The following NLRP14 variants were observed in gnomAD, a reference collection of about 807,000 sequenced individuals.
NLRP14 encodes NLR family pyrin domain containing 14, also known as NACHT, LRR and PYD domains-containing protein 14.
In NLRP14, 105 loss-of-function variants were observed where a neutral mutation model predicts 94.7. That is an observed-to-expected ratio of 1.11 (90% CI 0.95 to 1.30). The LOEUF is 1.30. Among genes scored for constraint, NLRP14 ranks in the 50% most tolerant of loss-of-function variants. The probability of loss-of-function intolerance (pLI) is 0.00; values close to 1 mark genes in which losing one functional copy is unlikely to be tolerated. For synonymous variants in NLRP14, 508 were observed against 459.9 expected (o/e 1.10, Z -1.34); for missense variants, 1,362 against 1,254.1 (o/e 1.09, Z -1.30).
intron 3 of NLRP14, among the ~76,000 whole-genome samples, chr11:7,040,322 C>A (rs565748706): frequency 6.6e-6 from 1 of 152,320 alleles, no homozygotes; most frequent in Admixed American, 6.5e-5. Context: ...ACCACCTGAG[C>A]TTCGCCTCCT....
At chr11:7,062,078 A>G (rs1852630693) in intron 9 of NLRP14, among the ~76,000 whole-genome samples, 1 of 152,016 alleles carries the variant, frequency 6.6e-6, no homozygotes, top group African/African-American at 2.4e-5. Context: ...GTAAAAATAA[A>G]TGTTTATACC....
the NLRP14 span, chr11:7,088,904 A>C: frequency 1.0e-5 from 6 of 596,888 alleles, no homozygotes; most frequent in Non-Finnish European, 1.5e-5. Flanking sequence ...AAAACTGCCG[A>C]CTTTCCCGAC....
At chr11:7,023,008 T>C (rs1325043114) in intron 1 of NLRP14, among the ~76,000 whole-genome samples, 1 of 152,142 alleles carries the variant, frequency 6.6e-6, no homozygotes, top group Non-Finnish European at 1.5e-5. Flanking sequence ...GACTAAATTA[T>C]TGAGCCAACA....
chr11:7,022,632 TAAG>T (rs1175894288), intron 1 of NLRP14, among the ~76,000 whole-genome samples: 12 of 152,112 alleles, frequency 7.9e-5, no homozygotes, highest in African/African-American at 2.9e-4. Flanking sequence ...GGAAAGAAGA[TAAG>T]AAGAAAGCTG....
intron 3 of NLRP14, among the ~76,000 whole-genome samples, chr11:7,040,263 G>A (rs1852228678): frequency 6.6e-6 from 1 of 152,160 alleles, no homozygotes; most frequent in Non-Finnish European, 1.5e-5. Context: ...GCGGCCCCTC[G>A]GGAATCAGGT....
intron 3 of NLRP14, among the ~76,000 whole-genome samples, chr11:7,040,930 A>T (rs1852237848): frequency 6.6e-6 from 1 of 152,166 alleles, no homozygotes; most frequent in Non-Finnish European, 1.5e-5. Context: ...TTTCCCTCTT[A>T]TGTGCAGATA....
chr11:7,051,953 TATA>T (rs1852447107), intron 6 of NLRP14, among the ~76,000 whole-genome samples: 1 of 152,224 alleles, frequency 6.6e-6, no homozygotes, highest in South Asian at 2.1e-4. Context: ...AATGCTTTAC[TATA>T]ATATTTACCC....
At chr11:7,089,004 G>C in the NLRP14 span, 11 of 1,246,712 alleles carry the variant, frequency 8.8e-6, no homozygotes, top group Middle Eastern at 2.0e-4. Context: ...CCGTGGACTC[G>C]GCGACTAGGC....
rs1289396588 is a variant in NLRP14, at chr11:7,043,300, G to C, written c.1274G>C (p.Arg425Thr). 1.2e-6 allele frequency: 2 copies of C among 1,614,098 alleles called. No homozygotes were observed. Among genetic ancestry groups the C allele is most frequent in the Admixed American group, 1.7e-5 (1 of 60,006 alleles). ...AGTCTACCCAACCAAGCCCAGCTGA[G>C]AAGACTGTGCCAAGTCGCTGCCAAA... ...SPSLPNQAQL[R>T]RLCQVAAKGI... Residue 425 changes from arginine (R) to threonine (T), a missense_variant, in exon 4 of 12, where the codon AGA becomes ACA. By Grantham distance (71) the Arg-to-Thr change is moderately conservative (BLOSUM62 -1). Transcript: ENST00000299481.
intron 10 of NLRP14, among the ~76,000 whole-genome samples, chr11:7,068,663 A>G (rs1852744243): frequency 6.6e-6 from 1 of 152,126 alleles, no homozygotes; most frequent in Non-Finnish European, 1.5e-5. Flanking sequence ...AATTTAATTT[A>G]TATTTTTTCT....
the NLRP14 span, among the ~76,000 whole-genome samples, chr11:7,085,247 T>G: frequency 0.054 from 8,174 of 152,268 alleles, 457 homozygotes; most frequent in African/African-American, 0.14. Flanking sequence ...GTATTTACTG[T>G]GGTAAAATAC....
intron 1 of NLRP14, among the ~76,000 whole-genome samples, chr11:7,023,851 G>A (rs1478976614): frequency 1.3e-5 from 2 of 152,006 alleles, no homozygotes; most frequent in East Asian, 3.9e-4. Flanking sequence ...AGAGTAGGGA[G>A]GGAGGTTCCT....
At chr11:7,065,001 G>C (rs933884993) in intron 10 of NLRP14, among the ~76,000 whole-genome samples, 3 of 151,888 alleles carry the variant, frequency 2.0e-5, no homozygotes, top group Non-Finnish European at 4.4e-5. Context: ...ATAGCTCTAT[G>C]ATAAGCCCTG....
chr11:7,026,539 C>T (rs932669864), intron 1 of NLRP14, among the ~76,000 whole-genome samples: 1 of 151,912 alleles, frequency 6.6e-6, no homozygotes, highest in Admixed American at 6.6e-5. Flanking sequence ...GAAATAGGAA[C>T]ACTTTTACAC....
At chr11:7,083,392 G>A in the NLRP14 span, among the ~76,000 whole-genome samples, 1 of 152,204 alleles carries the variant, frequency 6.6e-6, no homozygotes, top group East Asian at 1.9e-4. Flanking sequence ...TCGGTCTGAT[G>A]AAATGTTACT....
intron 2 of NLRP14, 41 bp downstream of exon 2, chr11:7,038,916 G>T: frequency 6.3e-7 from 1 of 1,593,594 alleles, no homozygotes; most frequent in Non-Finnish European, 8.6e-7. Context: ...AGGCAGGAAG[G>T]AAGTGTTTCC....
intron 8 of NLRP14, among the ~76,000 whole-genome samples, chr11:7,059,428 A>G (rs1307998441): frequency 6.6e-6 from 1 of 151,860 alleles, no homozygotes; most frequent in Non-Finnish European, 1.5e-5. Context: ...AATTATTCCA[A>G]ATTTATTTTG....
At chr11:7,079,110 G>A in the NLRP14 span, among the ~76,000 whole-genome samples, 1 of 152,360 alleles carries the variant, frequency 6.6e-6, no homozygotes, top group East Asian at 1.9e-4. Flanking sequence ...TTCCTTGTCA[G>A]GACATAGCCC....
At position 7,058,290 on chromosome 11, in the gene NLRP14, T is replaced by G. The variant is rs747592135; in HGVS notation, c.2473T>G (p.Cys825Gly). 1 of 1,612,340 alleles carries G rather than the reference T, an allele frequency of 6.2e-7. No individual in the cohort carries two copies. Among genetic ancestry groups the G allele is most frequent in the South Asian group, 1.1e-5 (1 of 91,050 alleles). Residue 825 changes from cysteine (C) to glycine (G), a missense_variant, in exon 8 of 12, where the codon TGT (cysteine) becomes GGT (glycine). By Grantham distance (159) the Cys-to-Gly change is radical. Transcript: ENST00000299481. ...CTCTTTCTCTTTCAGCTTAGAAAGC[T>G]GTGGTCTCACAGAGGCTGGCTGTGA... ...CYLERLSLES[C>G]GLTEAGCEYL...
Sources: gnomAD v4.1 joint callset for allele counts (sites outside exome capture counted in the v4.1 genomes callset) on GRCh38, gnomAD v4.1.1 for gene constraint, MANE v1.5 for transcripts, NCBI Gene and HGNC (gene_info 2026-07-23, HGNC 2026-07-21) for gene names.